The following XRN1 variants were observed in gnomAD, a reference collection of about 807,000 sequenced individuals.
The protein encoded by XRN1 is strand-exchange protein 1 homolog.
XRN1 carries 67 observed loss-of-function variants against 222.3 expected under a neutral mutation model. The observed-to-expected ratio is 0.30, with a 90% confidence interval of 0.25 to 0.37. The LOEUF (loss-of-function observed/expected upper bound fraction) is 0.37. XRN1 is among the 10% of genes least tolerant of loss of function. The probability of loss-of-function intolerance (pLI) is 1.00; values close to 1 mark genes in which losing one functional copy is unlikely to be tolerated. For missense variants in XRN1, 1,707 were observed against 2,000.2 expected (o/e 0.85, Z 2.80); for synonymous variants, 643 against 652.4 (o/e 0.99, Z 0.22).
In XRN1 at chr3:142,405,032, T is replaced by G. The variant is rs1433851811; in HGVS notation, c.1758A>C (p.Lys586Asn). The change falls in exon 16 of 41, where the codon AAA becomes AAC. Residue 586 changes from lysine to asparagine, a missense_variant. Coordinates refer to ENST00000392981, the MANE Select transcript of XRN1 (RefSeq NM_001282857.2). ...GTTGGTTTCTTTTCCTCTCTTCCTT[T>G]TTGAGGGAGTGGTTACATGTCTCCA... is the stretch of plus-strand genomic sequence containing the variant. ...EAMETCNHSL[K>N]KEERKRNQHS... 6.2e-7 allele frequency: 1 copy of G among 1,613,884 alleles called. No individual in the cohort carries two copies.
intron 15 of XRN1, chr3:142,407,659 T>C (rs2068395462): frequency 6.6e-6 from 1 of 152,248 alleles, no homozygotes; most frequent in African/African-American, 2.4e-5. Context: ...TACTATTTTT[T>C]AGCATGGAAT....
intron 36 of XRN1, among the ~76,000 whole-genome samples, chr3:142,329,849 G>A (rs1432131024): frequency 2.0e-5 from 3 of 152,114 alleles, no homozygotes. Flanking sequence ...TACCTTCAGT[G>A]GTCCTCTGGC....
intron 21 of XRN1, among the ~76,000 whole-genome samples, chr3:142,384,258 C>T (rs535668509): frequency 9.5e-5 from 13 of 136,186 alleles, no homozygotes; most frequent in African/African-American, 3.2e-4. Context: ...GGCAACAGAG[C>T]GAGACTCTGT....
intron 2 of XRN1, among the ~76,000 whole-genome samples, chr3:142,428,210 T>C (rs1303173946): frequency 2.0e-5 from 3 of 151,964 alleles, no homozygotes; most frequent in African/African-American, 7.3e-5. Context: ...CTGGCCAACA[T>C]GGTGAAACCC....
chr3:142,375,389 T>C (rs1244342743), intron 25 of XRN1, among the ~76,000 whole-genome samples: 1 of 152,190 alleles, frequency 6.6e-6, no homozygotes, highest in Non-Finnish European at 1.5e-5. Context: ...TCCTAGATAA[T>C]TTCAGCAATA....
chr3:142,370,280 T>C (rs1322801789), intron 27 of XRN1, among the ~76,000 whole-genome samples: 2 of 152,210 alleles, frequency 1.3e-5, no homozygotes, highest in South Asian at 2.1e-4. Context: ...ATTAGTGCTA[T>C]ACAATATAAA....
intron 37 of XRN1, among the ~76,000 whole-genome samples, chr3:142,319,805 C>T (rs2065300828): frequency 6.6e-6 from 1 of 152,068 alleles, no homozygotes. Flanking sequence ...ATAATGGCCC[C>T]CAGTTCCATT....
At chr3:142,413,351 T>C (rs577545435) in intron 14 of XRN1, among the ~76,000 whole-genome samples, 1 of 152,258 alleles carries the variant, frequency 6.6e-6, no homozygotes, top group East Asian at 1.9e-4. Context: ...GGTTGGGTAT[T>C]AAAGCGTATT....
At position 142,438,576 on chromosome 3, in the gene XRN1, G is replaced by A. The variant is rs543264083; in HGVS notation, c.76-5683C>T. On this transcript the variant is annotated intron_variant, in intron 1 of 40. Transcript: ENST00000392981. ...TCTGTTCTTTTTTCAGATGGGAAAC[G>A]TTCTCCCCCACAAGGCAAAAACGCC... 3.9e-5 allele frequency among the ~76,000 whole-genome samples: 6 copies of A among 152,194 alleles called. No individual in the cohort carries two copies. In the East Asian group the frequency reaches 9.7e-4, roughly 25 times the overall value.
At chr3:142,440,320 C>G (rs2070144726) in intron 1 of XRN1, among the ~76,000 whole-genome samples, 1 of 152,024 alleles carries the variant, frequency 6.6e-6, no homozygotes. Flanking sequence ...AGCCCCACTC[C>G]CTTGTTAAGG....
Position 142,373,293 on chromosome 3 carries a change from A to G in XRN1, c.2979-1965T>C, listed in dbSNP as rs963740128. 3.5e-4 allele frequency among the ~76,000 whole-genome samples: 53 copies of G among 152,128 alleles called. 1 individual carries two copies. Among genetic ancestry groups the G allele is most frequent in the African/African-American group, 1.3e-3 (53 of 41,436 alleles). On this transcript the variant is annotated intron_variant, in intron 25 of 40. Coordinates refer to ENST00000392981, the MANE Select transcript of XRN1 (RefSeq NM_001282857.2). ...AACAATAAAGTTGAATGAATTTCCC[A>G]AAGTAGAACAGAAGTATAACAATAT...
In XRN1 at chr3:142,447,247, T is replaced by TA. The variant is rs1167685192; in HGVS notation, c.75+622dup. On this transcript the variant is annotated intron_variant, in intron 1 of 40. Transcript: ENST00000392981. This position sits in a 1 kb window ranked among gnomAD's most constrained non-coding sequence, Gnocchi z 4.2. ...AGTGAGGCCTCCAAATAAAAGGTCC[T>TA]ACGCCCCACTCCCCAGCTGGCCCAA... 6.6e-6 allele frequency among the ~76,000 whole-genome samples: 1 copy of TA among 152,198 alleles called. No individual in the cohort carries two copies. Among genetic ancestry groups the TA allele is most frequent in the African/African-American group, 2.4e-5 (1 of 41,442 alleles).
chr3:142,417,517 A>G (rs1416557579), intron 12 of XRN1, among the ~76,000 whole-genome samples: 3 of 152,180 alleles, frequency 2.0e-5, no homozygotes, highest in African/African-American at 7.2e-5. Context: ...GATTTACCCA[A>G]TGAAGCTTTC....
chr3:142,418,281 T>C (rs2068863548), intron 12 of XRN1: 4 of 431,834 alleles, frequency 9.3e-6, no homozygotes, highest in Non-Finnish European at 1.6e-5. Context: ...AAAATCCTTA[T>C]ACATAAGGAT....
intron 33 of XRN1, among the ~76,000 whole-genome samples, chr3:142,342,528 C>T (rs2066025479): frequency 6.6e-6 from 1 of 152,192 alleles, no homozygotes; most frequent in Non-Finnish European, 1.5e-5. Context: ...AATCACATTA[C>T]CTGACTTCAA....
At chr3:142,347,368 A>G in intron 32 of XRN1, 26 bp from the exon 33 acceptor site, 1 of 1,415,738 alleles carries the variant, frequency 7.1e-7, no homozygotes, top group Non-Finnish European at 9.6e-7. Flanking sequence ...CTTATAAATT[A>G]AACAAAATCT....
At chr3:142,336,607 G>C (rs1306691528) in intron 33 of XRN1, among the ~76,000 whole-genome samples, 1 of 151,314 alleles carries the variant, frequency 6.6e-6, no homozygotes, top group Non-Finnish European at 1.5e-5. Flanking sequence ...AGAAGGAATA[G>C]AGAGAGAGGA....
chr3:142,409,398 G>A (rs1389699268), intron 15 of XRN1, among the ~76,000 whole-genome samples: 1 of 152,218 alleles, frequency 6.6e-6, no homozygotes, highest in Non-Finnish European at 1.5e-5. Flanking sequence ...AATATAGCCA[G>A]TTGTTCTAGC....
intron 25 of XRN1, among the ~76,000 whole-genome samples, chr3:142,373,059 AAG>A (rs1189970768): frequency 1.3e-5 from 2 of 152,220 alleles, no homozygotes; most frequent in African/African-American, 4.8e-5. Context: ...TTAACACTGC[AAG>A]AGAGACTAAA....
Sources: gnomAD v4.1 joint callset for allele counts (sites outside exome capture counted in the v4.1 genomes callset) on GRCh38, gnomAD v4.1.1 for gene constraint, Gnocchi (gnomAD v3.1) non-coding constraint, MANE v1.5 for transcripts, NCBI Gene and HGNC (gene_info 2026-07-23, HGNC 2026-07-21) for gene names.